NR2F1-AS1: variants seen among roughly 807,000 people sequenced by gnomAD.
NR2F1-AS1 encodes NR2F1 regulatory antisense RNA 1, also known as NR2F1 antisense RNA 1.
intron 4 of NR2F1-AS1, among the ~76,000 whole-genome samples, chr5:93,492,411 A>G (rs1241831105): frequency 2.6e-5 from 4 of 152,218 alleles, no homozygotes; most frequent in Non-Finnish European, 5.9e-5. Context: ...GTAAATAAAT[A>G]CACCAAACAC....
At chr5:93,418,296 T>A (rs1454520224) in intron 4 of NR2F1-AS1, among the ~76,000 whole-genome samples, 2 of 152,084 alleles carry the variant, frequency 1.3e-5, no homozygotes, top group African/African-American at 2.4e-5. Context: ...TCATAGCTAT[T>A]CTCCATAAAG....
At chr5:93,507,360 G>C (rs1318939968) in intron 4 of NR2F1-AS1, among the ~76,000 whole-genome samples, 1 of 151,586 alleles carries the variant, frequency 6.6e-6, no homozygotes, top group Non-Finnish European at 1.5e-5. Flanking sequence ...GTTTTGTTTT[G>C]TTTTGTTTTG....
intron 4 of NR2F1-AS1, among the ~76,000 whole-genome samples, chr5:93,519,471 T>C (rs1262100896): frequency 6.6e-6 from 1 of 152,046 alleles, no homozygotes; most frequent in Admixed American, 6.6e-5. Context: ...TCTCAAATAA[T>C]TGCCCACACT....
At position 93,506,249 on chromosome 5, in the gene NR2F1-AS1, G is replaced by T. The variant is rs147449802; in HGVS notation, n.638+47512C>A. Reference sequence around the variant, plus strand: ...CTCCATCTGAGATCATCTCAGTCTGGACCTTATTGTTCATATCACTATCAG... The same window carrying T: ...CTCCATCTGAGATCATCTCAGTCTGTACCTTATTGTTCATATCACTATCAG... On this transcript the variant is annotated intron_variant and non_coding_transcript_variant, in intron 4 of 5. Transcript: ENST00000660523. Among the ~76,000 whole-genome samples, 234 of 152,190 alleles carry T rather than the reference G, an allele frequency of 1.5e-3. 1 individual carries two copies. Among genetic ancestry groups the T allele is most frequent in the African/African-American group, 5.3e-3 (218 of 41,512 alleles).
chr5:93,440,594 G>A (rs1031580488), intron 4 of NR2F1-AS1, among the ~76,000 whole-genome samples: 1 of 152,106 alleles, frequency 6.6e-6, no homozygotes, highest in South Asian at 2.1e-4. Context: ...GCTCTCCCTA[G>A]TCTGGGTTTC....
At chr5:93,512,730 C>T (rs964160372) in intron 4 of NR2F1-AS1, among the ~76,000 whole-genome samples, 9 of 152,062 alleles carry the variant, frequency 5.9e-5, no homozygotes, top group Admixed American at 3.9e-4. Context: ...TTTTGATACA[C>T]AAATAATTAC....
In NR2F1-AS1 at chr5:93,573,227, C is replaced by G. The variant is rs1048515093; in HGVS notation, n.313+7240G>C. On this transcript the variant is annotated intron_variant and non_coding_transcript_variant, in intron 1 of 5. Coordinates refer to ENST00000660523, the Ensembl canonical transcript of NR2F1-AS1. ...AAACTAGTGAGTTTGGCTGGCAGTG[C>G]TCCCCCGACACACCCCACTTTCTTT... Among the ~76,000 whole-genome samples the G allele has an allele frequency of 5.9e-5, 9 of 152,202 alleles. No individual in the cohort carries two copies. The East Asian group carries it at 1.5e-3, about 26-fold the overall frequency.
intron 4 of NR2F1-AS1, among the ~76,000 whole-genome samples, chr5:93,484,114 C>A (rs1380921397): frequency 2.0e-5 from 3 of 152,244 alleles, no homozygotes; most frequent in Non-Finnish European, 4.4e-5. Flanking sequence ...CACAAAGATA[C>A]TCCTCGAGAA....
At chr5:93,483,929 C>T (rs1257833068) in intron 4 of NR2F1-AS1, among the ~76,000 whole-genome samples, 1 of 152,214 alleles carries the variant, frequency 6.6e-6, no homozygotes, top group East Asian at 1.9e-4. Context: ...TGAACAAAAC[C>T]TCCAAGAAAT....
chr5:93,576,698 T>G (rs921921595), intron 1 of NR2F1-AS1, among the ~76,000 whole-genome samples: 5 of 151,940 alleles, frequency 3.3e-5, no homozygotes, highest in African/African-American at 1.2e-4. Flanking sequence ...TAGAGCAGTC[T>G]TTAGTCAGTG....
At chr5:93,526,375 C>T (rs73133278) in intron 4 of NR2F1-AS1, among the ~76,000 whole-genome samples, 15,553 of 152,078 alleles carry the variant, frequency 0.1, 878 homozygotes, top group Middle Eastern at 0.16. Context: ...CCAACAAAAG[C>T]GCAGGACCAA....
At chr5:93,558,972 T>C (rs1051100302) in intron 2 of NR2F1-AS1, among the ~76,000 whole-genome samples, 9 of 152,328 alleles carry the variant, frequency 5.9e-5, no homozygotes, top group East Asian at 1.9e-4. Context: ...CAAATGAGCA[T>C]TGGCTTCATC....
intron 4 of NR2F1-AS1, among the ~76,000 whole-genome samples, chr5:93,479,042 A>T (rs1366778659): frequency 1.3e-5 from 2 of 152,186 alleles, no homozygotes; most frequent in African/African-American, 4.8e-5. Flanking sequence ...CTAGCTGAAC[A>T]TTTGCAGTGT....
At chr5:93,560,624 A>G (rs745563826) in intron 2 of NR2F1-AS1, among the ~76,000 whole-genome samples, 14 of 152,256 alleles carry the variant, frequency 9.2e-5, no homozygotes, top group Non-Finnish European at 1.8e-4. Flanking sequence ...ACCTTCTACC[A>G]GGAACTAGTG....
intron 2 of NR2F1-AS1, among the ~76,000 whole-genome samples, chr5:93,557,823 C>G (rs1012672142): frequency 2.0e-5 from 3 of 152,196 alleles, no homozygotes; most frequent in African/African-American, 4.8e-5. Context: ...CACAGTAGAG[C>G]TTCTTTCAAA....
At chr5:93,552,661 A>G (rs1224504743) in intron 4 of NR2F1-AS1, among the ~76,000 whole-genome samples, 2 of 151,612 alleles carry the variant, frequency 1.3e-5, no homozygotes, top group African/African-American at 4.9e-5. Context: ...TTGAAAGATA[A>G]TAACAATTAC....
chr5:93,547,279 C>A (rs1472840737), intron 4 of NR2F1-AS1, among the ~76,000 whole-genome samples: 1 of 152,162 alleles, frequency 6.6e-6, no homozygotes, highest in Non-Finnish European at 1.5e-5. Context: ...AGGTAGACAT[C>A]AAAAGTAGAA....
intron 1 of NR2F1-AS1, among the ~76,000 whole-genome samples, chr5:93,567,774 A>C (rs991112740): frequency 1.3e-5 from 2 of 152,214 alleles, no homozygotes; most frequent in Non-Finnish European, 2.9e-5. Flanking sequence ...CTATTTCGTC[A>C]AATAAAGATT....
At chr5:93,558,319 CTTT>C (rs776183434) in intron 2 of NR2F1-AS1, among the ~76,000 whole-genome samples, 2 of 138,974 alleles carry the variant, frequency 1.4e-5, no homozygotes, top group Admixed American at 7.3e-5. Context: ...AAATGTATTT[CTTT>C]TTTTTTTTTT....
Sources: allele counts gnomAD v4.1 joint callset (sites outside exome capture counted in the v4.1 genomes callset), GRCh38; gene constraint gnomAD v4.1.1; transcripts MANE v1.5; gene names NCBI Gene and HGNC (gene_info 2026-07-23, HGNC 2026-07-21).